TEX9: variants seen among roughly 807,000 people sequenced by gnomAD.
TEX9 encodes testis-expressed protein 9.
Under a neutral mutation model 59.6 loss-of-function variants are expected in TEX9, and 74 were observed. The ratio of observed to expected loss-of-function variants is 1.24; its 90% CI spans 1.03 to 1.51. The LOEUF (loss-of-function observed/expected upper bound fraction) is 1.51, where lower values mean the gene tolerates loss of function less well. Among genes scored for constraint, TEX9 ranks in the 40% most tolerant of loss-of-function variants. TEX9 has a pLI of 0.00. For synonymous variants in TEX9, 186 were observed against 152.2 expected (o/e 1.22, Z -1.64); for missense variants, 522 against 447.8 (o/e 1.17, Z -1.49).
intron 9 of TEX9, among the ~76,000 whole-genome samples, chr15:56,399,107 T>C (rs1052486646): frequency 6.6e-6 from 1 of 152,158 alleles, no homozygotes; most frequent in African/African-American, 2.4e-5. Context: ...CTGGGACTGA[T>C]TGGACAGTGG....
intron 12 of TEX9, chr15:56,428,915 A>G (rs999471358): frequency 1.3e-5 from 7 of 532,760 alleles, no homozygotes; most frequent in Non-Finnish European, 2.3e-5. Flanking sequence ...TATCAGTACA[A>G]AAATAACAGC....
chr15:56,314,680 G>T lies in TEX9; in HGVS notation c.-106-58761G>T, dbSNP rs537306713. On this transcript the variant is annotated intron_variant, in intron 1 of 5. Coordinates refer to the TEX9 transcript ENST00000560827. ...ATCTATTAGGTCTTCTTGGTGCAGA[G>T]CTGAGTTCAATTCCTGGGTATCCTT... is the stretch of plus-strand genomic sequence containing the variant. 2.7e-4 allele frequency among the ~76,000 whole-genome samples: 41 copies of T among 152,228 alleles called. 1 individual carries two copies. In the South Asian group the frequency reaches 8.5e-3, roughly 32 times the overall value.
chr15:56,307,229 C>A (rs1344904152), intron 1 of TEX9, among the ~76,000 whole-genome samples: 1 of 152,192 alleles, frequency 6.6e-6, no homozygotes, highest in African/African-American at 2.4e-5. Context: ...ACATCACAGG[C>A]CACTGGTCTT....
upstream of TEX9, among the ~76,000 whole-genome samples, chr15:56,362,600 A>G (rs1297524085): frequency 6.6e-6 from 1 of 152,228 alleles, no homozygotes; most frequent in Non-Finnish European, 1.5e-5. Context: ...AAAGTGTACT[A>G]TTAATTGGCT....
intron 10 of TEX9, among the ~76,000 whole-genome samples, chr15:56,425,065 T>C (rs1401657291): frequency 6.6e-6 from 1 of 152,170 alleles, no homozygotes; most frequent in Non-Finnish European, 1.5e-5. Flanking sequence ...TATATCATCC[T>C]ACTGACTTCT....
chr15:56,418,365 C>T (rs2049802501), intron 10 of TEX9, among the ~76,000 whole-genome samples: 1 of 151,700 alleles, frequency 6.6e-6, no homozygotes, highest in Admixed American at 6.6e-5. Flanking sequence ...TTTGGTAAGG[C>T]AGGTCTGGTG....
At chr15:56,297,655 C>G (rs1490863755) in intron 1 of TEX9, among the ~76,000 whole-genome samples, 1 of 152,214 alleles carries the variant, frequency 6.6e-6, no homozygotes. Context: ...CAGGTGTGAG[C>G]CACCACGCCC....
At chr15:56,426,568 T>G (rs1489872865) in intron 10 of TEX9, among the ~76,000 whole-genome samples, 3 of 117,598 alleles carry the variant, frequency 2.6e-5, no homozygotes, top group African/African-American at 5.6e-5. Context: ...AGGTGTTTTT[T>G]TTTTTTTTTT....
intron 1 of TEX9, among the ~76,000 whole-genome samples, chr15:56,326,566 G>A (rs1390537896): frequency 2.6e-5 from 4 of 152,090 alleles, no homozygotes; most frequent in Admixed American, 2.0e-4. Flanking sequence ...ATGAGACAAG[G>A]ATTTGAGTAA....
intron 4 of TEX9, among the ~76,000 whole-genome samples, chr15:56,384,608 A>C (rs1169068908): frequency 1.3e-5 from 2 of 152,208 alleles, no homozygotes; most frequent in African/African-American, 4.8e-5. Flanking sequence ...TATCTTTGCT[A>C]ATGTTGAAAT....
At chr15:56,279,750 C>T (rs1418721610) in intron 1 of TEX9, among the ~76,000 whole-genome samples, 1 of 152,028 alleles carries the variant, frequency 6.6e-6, no homozygotes, top group African/African-American at 2.4e-5. Context: ...ATATTTTTGC[C>T]TTACTCCAAA....
chr15:56,275,681 C>T (rs537977078), intron 1 of TEX9, among the ~76,000 whole-genome samples: 47 of 152,206 alleles, frequency 3.1e-4, no homozygotes, highest in African/African-American at 8.9e-4. Flanking sequence ...TTAACCCACA[C>T]GACTTTATTG....
chr15:56,440,427 A>G (rs1347255590), intron 12 of TEX9, among the ~76,000 whole-genome samples: 1 of 152,208 alleles, frequency 6.6e-6, no homozygotes, highest in Admixed American at 6.5e-5. Context: ...CACAGCTAAC[A>G]TGCAGTTACC....
intron 1 of TEX9, among the ~76,000 whole-genome samples, chr15:56,253,563 G>A (rs1397145715): frequency 6.6e-6 from 1 of 152,130 alleles, no homozygotes; most frequent in African/African-American, 2.4e-5. Context: ...TATTAGAGAT[G>A]AGGGTCTGTG....
chr15:56,376,331 C>T (rs1477063799), intron 3 of TEX9, among the ~76,000 whole-genome samples: 1 of 152,122 alleles, frequency 6.6e-6, no homozygotes, highest in African/African-American at 2.4e-5. Context: ...AACCTCCAAA[C>T]TGTTTCCTTT....
At chr15:56,257,701 G>A (rs2044175587) in intron 1 of TEX9, among the ~76,000 whole-genome samples, 1 of 152,010 alleles carries the variant, frequency 6.6e-6, no homozygotes, top group South Asian at 2.1e-4. Flanking sequence ...ATCTTTGTTA[G>A]ATGCATAGAA....
intron 1 of TEX9, among the ~76,000 whole-genome samples, chr15:56,245,586 C>A (rs1451286860): frequency 1.3e-5 from 2 of 152,138 alleles, no homozygotes; most frequent in Non-Finnish European, 2.9e-5. Flanking sequence ...TAGACAGAAG[C>A]TTTGAAGGAT....
At chr15:56,423,025 C>T (rs181518248) in intron 10 of TEX9, among the ~76,000 whole-genome samples, 1 of 152,102 alleles carries the variant, frequency 6.6e-6, no homozygotes, top group East Asian at 1.9e-4. Context: ...ATTTACATAC[C>T]ACATTTTGTT....
intron 9 of TEX9, among the ~76,000 whole-genome samples, chr15:56,407,724 T>C (rs1488983530): frequency 6.6e-6 from 1 of 152,194 alleles, no homozygotes; most frequent in Non-Finnish European, 1.5e-5. Flanking sequence ...ACAGTTGGTC[T>C]TTTTTCCTCA....
Sources: gnomAD v4.1 joint callset for allele counts (sites outside exome capture counted in the v4.1 genomes callset) on GRCh38, gnomAD v4.1.1 for gene constraint, MANE v1.5 for transcripts, NCBI Gene and HGNC (gene_info 2026-07-23, HGNC 2026-07-21) for gene names.